FGF14: variants seen among roughly 807,000 people sequenced by gnomAD.
FGF14 encodes the protein fibroblast growth factor 14, also known as fibroblast growth factor homologous factor 4.
In FGF14, 5 loss-of-function variants were observed where a neutral mutation model predicts 25.5. The observed-to-expected ratio is 0.20, with a 90% confidence interval of 0.10 to 0.41. The LOEUF (loss-of-function observed/expected upper bound fraction) is 0.41. Ranked by LOEUF, FGF14 falls within the 10% of genes least tolerant of loss-of-function variation. The pLI is 1.00. For missense variants in FGF14, 222 were observed against 320.1 expected, an observed-to-expected ratio of 0.69 and a Z score of 2.34; for synonymous variants, 138 against 118.3, an observed-to-expected ratio of 1.17 and a Z score of -1.08.
At chr13:102,342,802 T>C (rs1005293715) in intron 1 of FGF14, among the ~76,000 whole-genome samples, 5 of 152,084 alleles carry the variant, frequency 3.3e-5, no homozygotes, top group African/African-American at 4.8e-5. Context: ...AATGGGTCAA[T>C]AGGCACATTT....
At chr13:102,119,737 C>T (rs74875368) in intron 1 of FGF14, among the ~76,000 whole-genome samples, 4,066 of 152,266 alleles carry the variant, frequency 0.027, 210 homozygotes, top group African/African-American at 0.094. Flanking sequence ...TGTGCATGCA[C>T]ACCAAATATA....
rs1311323447 is a variant in FGF14 at position 101,712,115 on chromosome 13, TAAC to T, written c.*10713_*10715del. 2 of 152,214 alleles carry T rather than the reference TAAC, an allele frequency of 1.3e-5. No homozygotes were observed. Among genetic ancestry groups the T allele is most frequent in the African/African-American group, 4.8e-5 (2 of 41,460 alleles). 9.4% of individuals were successfully genotyped at this position (152,214 alleles called of 1,614,324 possible). Reference sequence around the variant, plus strand: ...GGAAAAGTGCTATAATAGGTCCTAATAACTATTCACACTGTGTTATTACTATGT... The same window carrying T: ...GGAAAAGTGCTATAATAGGTCCTAATTATTCACACTGTGTTATTACTATGT... On this transcript the variant is annotated 3_prime_UTR_variant, in exon 5 of 5. Transcript: ENST00000376143.
intron 1 of FGF14, among the ~76,000 whole-genome samples, chr13:102,324,346 G>C (rs1435690215): frequency 6.6e-6 from 1 of 152,086 alleles, no homozygotes; most frequent in Non-Finnish European, 1.5e-5. Context: ...CATTTACTAA[G>C]TATGTCCTTT....
intron 1 of FGF14, among the ~76,000 whole-genome samples, chr13:102,361,145 C>T (rs1024291237): frequency 6.6e-6 from 1 of 152,064 alleles, no homozygotes; most frequent in Non-Finnish European, 1.5e-5. Context: ...AATTGATATG[C>T]TCTTTTTTGA....
chr13:101,718,224 G>C lies in FGF14; in HGVS notation c.*4607C>G, dbSNP rs1341713980. The C allele has an allele frequency of 6.6e-6, 1 of 152,084 alleles. No homozygotes were observed. The highest frequency in any genetic ancestry group is 1.5e-5 in the Non-Finnish European group (1 of 68,012). The allele number at this position is 152,084 out of a possible 1,614,324, so 9.4% of individuals were successfully genotyped here. On this transcript the variant is annotated 3_prime_UTR_variant, in exon 5 of 5. Coordinates refer to ENST00000376143, the MANE Select transcript of FGF14 (RefSeq NM_004115.4). The stretch of plus-strand genomic sequence containing the variant: ...TTATTTCTGTCCACTATGTTTGTGT[G>C]TATGTGTGTGTTTGTGTGTGTATGT...
At chr13:101,904,997 T>G (rs2032056267) in intron 1 of FGF14, among the ~76,000 whole-genome samples, 1 of 152,214 alleles carries the variant, frequency 6.6e-6, no homozygotes, top group East Asian at 1.9e-4. Context: ...ACTTCAATCT[T>G]GCTTCACCCT....
chr13:101,794,001 TCA>T (rs754474242), intron 3 of FGF14, among the ~76,000 whole-genome samples: 7 of 151,970 alleles, frequency 4.6e-5, no homozygotes, highest in Non-Finnish European at 8.8e-5. Context: ...TGCCACTGCA[TCA>T]CACACACACA....
At chr13:102,274,446 C>T (rs936873502) in intron 1 of FGF14, among the ~76,000 whole-genome samples, 4 of 152,046 alleles carry the variant, frequency 2.6e-5, no homozygotes, top group Admixed American at 6.6e-5. Flanking sequence ...TCCCCTACCC[C>T]CACCCACACA....
chr13:102,086,085 G>A (rs1446305928), intron 1 of FGF14, among the ~76,000 whole-genome samples: 1 of 152,144 alleles, frequency 6.6e-6, no homozygotes, highest in Non-Finnish European at 1.5e-5. Context: ...ATTAACAGAA[G>A]GGCACTAGCT....
At chr13:102,355,223 A>G (rs942512914) in intron 1 of FGF14, among the ~76,000 whole-genome samples, 2 of 152,214 alleles carry the variant, frequency 1.3e-5, no homozygotes, top group Non-Finnish European at 2.9e-5. Context: ...GATTCCAACA[A>G]AGCATGGACT....
intron 1 of FGF14, among the ~76,000 whole-genome samples, chr13:102,376,663 A>C (rs2139144105): frequency 6.6e-6 from 1 of 152,348 alleles, no homozygotes; most frequent in Admixed American, 6.5e-5. Flanking sequence ...TAATTCTGTA[A>C]CATTCTAAAT....
chr13:102,241,746 T>C (rs1438702852), intron 1 of FGF14, among the ~76,000 whole-genome samples: 1 of 152,102 alleles, frequency 6.6e-6, no homozygotes, highest in East Asian at 1.9e-4. Context: ...AAAGAGTTTG[T>C]TTAGAGTACA....
chr13:102,378,122 A>C (rs937202147), intron 1 of FGF14, among the ~76,000 whole-genome samples: 2 of 152,214 alleles, frequency 1.3e-5, no homozygotes, highest in Non-Finnish European at 2.9e-5. Context: ...TGATACTATA[A>C]TGGTGAATAC....
chr13:102,120,848 C>T (rs368791311), intron 1 of FGF14, among the ~76,000 whole-genome samples: 76 of 152,112 alleles, frequency 5.0e-4, no homozygotes, highest in African/African-American at 1.5e-3. Flanking sequence ...GGATTATAGG[C>T]GCCTGCCACC....
chr13:101,884,719 G>A (rs139068348), intron 1 of FGF14, among the ~76,000 whole-genome samples: 55 of 152,148 alleles, frequency 3.6e-4, no homozygotes, highest in African/African-American at 1.3e-3. Flanking sequence ...TACAGGAACT[G>A]GGAAGGGAAT....
intron 1 of FGF14, among the ~76,000 whole-genome samples, chr13:102,058,237 G>C (rs1162897283): frequency 6.6e-6 from 1 of 152,048 alleles, no homozygotes; most frequent in Non-Finnish European, 1.5e-5. Context: ...ACCGAAAAAA[G>C]GATTATTTTA....
At chr13:102,207,236 T>C (rs1384150519) in intron 1 of FGF14, among the ~76,000 whole-genome samples, 1 of 150,932 alleles carries the variant, frequency 6.6e-6, no homozygotes, top group Non-Finnish European at 1.5e-5. Context: ...GCCGAGATCA[T>C]GCCACTGCAC....
chr13:101,859,308 A>G (rs1415313864), intron 3 of FGF14, among the ~76,000 whole-genome samples: 3 of 152,168 alleles, frequency 2.0e-5, no homozygotes, highest in African/African-American at 7.2e-5. Context: ...ATGGAATCAC[A>G]GATTCTGAGA....
intron 1 of FGF14, chr13:101,967,761 T>C (rs2037308359): frequency 6.5e-6 from 1 of 154,334 alleles, no homozygotes; most frequent in African/African-American, 2.4e-5. Flanking sequence ...AGCATATCTT[T>C]GCTCTTGATG....
Sources: allele counts gnomAD v4.1 joint callset (sites outside exome capture counted in the v4.1 genomes callset), GRCh38; gene constraint gnomAD v4.1.1; transcripts MANE v1.5; gene names NCBI Gene and HGNC (gene_info 2026-07-23, HGNC 2026-07-21).